The following TLK2 variants were observed in gnomAD, a reference collection of about 807,000 sequenced individuals.
TLK2 encodes tousled like kinase 2.
A neutral mutation model predicts 117.3 loss-of-function variants in TLK2; 6 were observed. The observed-to-expected ratio is 0.05, with a 90% confidence interval of 0.03 to 0.10. TLK2 has a LOEUF of 0.10. Ranked by LOEUF, TLK2 falls within the 10% of genes least tolerant of loss-of-function variation. TLK2 has a pLI of 1.00. For missense variants in TLK2, 299 were observed against 901.2 expected (o/e 0.33, Z 8.56); for synonymous variants, 257 against 316.7 (o/e 0.81, Z 2.00).
At chr17:62,588,089 G>A (rs1445366542) in intron 16 of TLK2, among the ~76,000 whole-genome samples, 3 of 139,784 alleles carry the variant, frequency 2.1e-5, no homozygotes, top group Non-Finnish European at 4.6e-5. Context: ...TAAAATATAC[G>A]TATACATCTG....
chr17:62,543,384 C>T (rs2077680344), intron 7 of TLK2, among the ~76,000 whole-genome samples: 1 of 152,084 alleles, frequency 6.6e-6, no homozygotes, highest in African/African-American at 2.4e-5. Flanking sequence ...AGTGAAATTG[C>T]CAGGTCATAT....
At chr17:62,553,547 C>A (rs2078631494) in intron 8 of TLK2, 116 bp from the exon 9 acceptor site, 2 of 709,362 alleles carry the variant, frequency 2.8e-6, no homozygotes, top group Non-Finnish European at 5.1e-6. Context: ...TGATTCTAGG[C>A]CATTTGTGTG....
At chr17:62,538,670 G>A (rs1432816887) in intron 7 of TLK2, among the ~76,000 whole-genome samples, 16 of 152,282 alleles carry the variant, frequency 1.1e-4, no homozygotes, top group Admixed American at 6.5e-5. Context: ...TGCTATAGCC[G>A]TGTTGTTCTC....
chr17:62,591,315 TTAGCACTCTGTG>T (rs1019450247), intron 16 of TLK2, among the ~76,000 whole-genome samples: 37 of 152,208 alleles, frequency 2.4e-4, no homozygotes, highest in African/African-American at 8.7e-4. Context: ...AAAAGTGCTC[TTAGCACTCTGTG>T]TAAAACTGTA....
chr17:62,608,009 G>A, intron 20 of TLK2, 32 bp from the exon 21 acceptor site: 3 of 1,556,312 alleles, frequency 1.9e-6, no homozygotes, highest in Non-Finnish European at 2.6e-6. Context: ...TTCATCAGAG[G>A]CCTACATTAT....
At position 62,555,482 on chromosome 17, in the gene TLK2, A is replaced by G. The variant is rs533383317; in HGVS notation, c.720+1727A>G. Among the ~76,000 whole-genome samples, 21 of 150,248 alleles carry G rather than the reference A, an allele frequency of 1.4e-4. No individual in the cohort carries two copies. In the South Asian group the frequency reaches 4.2e-3, roughly 30 times the overall value. On this transcript the variant is annotated intron_variant, in intron 9 of 21. Transcript: ENST00000346027. Reference sequence around the variant, plus strand: ...AGTCTGGTGTGTTTATATTATTATTAATTTTTTTTTTTTTTTTTGAGACAG... The same window carrying G: ...AGTCTGGTGTGTTTATATTATTATTGATTTTTTTTTTTTTTTTTGAGACAG...
chr17:62,472,408 A>G (rs1479487247), intron 1 of TLK2, among the ~76,000 whole-genome samples: 3 of 152,068 alleles, frequency 2.0e-5, no homozygotes, highest in South Asian at 2.1e-4. Context: ...TGCATGGGCC[A>G]CATGCCTGGC....
intron 9 of TLK2, among the ~76,000 whole-genome samples, chr17:62,557,242 A>G (rs1200310464): frequency 2.0e-5 from 3 of 151,984 alleles, no homozygotes; most frequent in Non-Finnish European, 2.9e-5. Context: ...TACATTTTAA[A>G]TTTCCCTGCT....
At chr17:62,609,827 TA>T (rs1187398996) in intron 21 of TLK2, among the ~76,000 whole-genome samples, 2 of 152,226 alleles carry the variant, frequency 1.3e-5, no homozygotes, top group Non-Finnish European at 2.9e-5. Context: ...TAAAAGGTGT[TA>T]GTAGCTAGGT....
chr17:62,492,593 G>A (rs2073215759), intron 2 of TLK2, among the ~76,000 whole-genome samples: 1 of 151,952 alleles, frequency 6.6e-6, no homozygotes, highest in African/African-American at 2.4e-5. Context: ...GAGTAGCTGG[G>A]ATTACAGGGA....
intron 13 of TLK2, among the ~76,000 whole-genome samples, 199 bp downstream of exon 13, chr17:62,576,974 T>TTTTTTTTTTTTTTTTTG: frequency 7.0e-6 from 1 of 143,724 alleles, no homozygotes; most frequent in Admixed American, 7.0e-5. Flanking sequence ...TTCTTTTTTT[T>TTTTTTTTTTTTTTTTTG]TTTTTTGAGT....
At chr17:62,556,170 C>T (rs1240974064) in intron 9 of TLK2, among the ~76,000 whole-genome samples, 4 of 152,134 alleles carry the variant, frequency 2.6e-5, no homozygotes, top group African/African-American at 9.7e-5. Flanking sequence ...CTGCCTTGGT[C>T]TGCCAAAGTG....
chr17:62,532,320 G>T (rs2076798583), intron 6 of TLK2, among the ~76,000 whole-genome samples: 1 of 151,996 alleles, frequency 6.6e-6, no homozygotes, highest in African/African-American at 2.4e-5. Context: ...TTCAATCCTT[G>T]GCAGGTATTT....
chr17:62,568,992 A>G (rs780166138), intron 11 of TLK2, among the ~76,000 whole-genome samples: 20 of 149,962 alleles, frequency 1.3e-4, no homozygotes, highest in Non-Finnish European at 2.4e-4. Context: ...AATATATTCA[A>G]TCCTGGGAAT....
chr17:62,595,227 C>T (rs933901819), intron 16 of TLK2, among the ~76,000 whole-genome samples: 4 of 151,656 alleles, frequency 2.6e-5, no homozygotes, highest in African/African-American at 7.3e-5. Flanking sequence ...GTGATCCACC[C>T]GCCTTGGCCT....
rs1244820027 is a variant in TLK2, at chr17:62,536,044, T to C, written c.364-126T>C. Reference sequence around the variant, plus strand: ...GTTGGTATGCTCTCCATAATTATTTTTAGAGAGGCCTTTTTAAATAAACCA... The same window carrying C: ...GTTGGTATGCTCTCCATAATTATTTCTAGAGAGGCCTTTTTAAATAAACCA... On this transcript the variant is annotated intron_variant, in intron 6 of 21. Transcript: ENST00000346027. The C allele has an allele frequency of 8.9e-6, 10 of 1,118,476 alleles. No individual in the cohort carries two copies. The Admixed American group carries it at 2.1e-4, about 23-fold the overall frequency. 69.3% of individuals were successfully genotyped at this position (1,118,476 alleles called of 1,614,324 possible). A position where few individuals can be genotyped will look rare whatever the true frequency, so the allele number is the denominator to read the frequency against.
chr17:62,499,407 C>T (rs1478785773), intron 2 of TLK2, among the ~76,000 whole-genome samples: 2 of 151,764 alleles, frequency 1.3e-5, no homozygotes, highest in Non-Finnish European at 2.9e-5. Context: ...TCAAGTGATT[C>T]GCCCACCTCA....
intron 2 of TLK2, 85 bp downstream of exon 2, chr17:62,481,291 C>T (rs1210664789): frequency 6.8e-7 from 1 of 1,467,422 alleles, no homozygotes; most frequent in Non-Finnish European, 9.4e-7. Flanking sequence ...TGGGTAGGCC[C>T]TTCTGATAGT....
chr17:62,501,005 GA>G (rs1399300846), intron 2 of TLK2, among the ~76,000 whole-genome samples: 1 of 151,704 alleles, frequency 6.6e-6, no homozygotes, highest in African/African-American at 2.4e-5. Flanking sequence ...TTGGGAGGCC[GA>G]AGTGGGCGGA....
Sources: gnomAD v4.1 joint callset for allele counts (sites outside exome capture counted in the v4.1 genomes callset) on GRCh38, gnomAD v4.1.1 for gene constraint, MANE v1.5 for transcripts, NCBI Gene and HGNC (gene_info 2026-07-23, HGNC 2026-07-21) for gene names.